Variants in CSNK2B observed in about 807,000 individuals in gnomAD.
The protein encoded by CSNK2B is casein kinase 2 beta, also known as casein kinase II subunit beta.
CSNK2B carries 2 observed loss-of-function variants against 28.8 expected under a neutral mutation model. The ratio of observed to expected loss-of-function variants is 0.07; its 90% CI spans 0.03 to 0.22. The LOEUF is 0.22. Among genes scored for constraint, CSNK2B ranks in the 10% least tolerant of loss-of-function variants. CSNK2B has a pLI of 1.00. For synonymous variants in CSNK2B, 89 were observed against 96.1 expected (o/e 0.93, Z 0.43); for missense variants, 107 against 277.9 (o/e 0.39, Z 4.37).
chr6:31,668,671 C>T lies in CSNK2B; in HGVS notation c.291+17C>T. ...GCCCAGATGGTGAGGCCTCTCTGCT[C>T]CTACCTGCCTCCTTCTGAGCAGTAA... On this transcript the variant is annotated intron_variant, in intron 4 of 6. Transcript: ENST00000375882. 2 of 1,601,038 alleles carry T rather than the reference C, an allele frequency of 1.2e-6. No homozygotes were observed. Among genetic ancestry groups the T allele is most frequent in the African/African-American group, 1.3e-5 (1 of 74,784 alleles).
At chr6:31,668,207 G>T in intron 3 of CSNK2B, 1 of 612,822 alleles carries the variant, frequency 1.6e-6, no homozygotes, top group African/African-American at 1.8e-5. Flanking sequence ...TTCCTCATGG[G>T]TCTGGTTTGT....
At chr6:31,667,567 G>A (rs1801858741) in intron 2 of CSNK2B, among the ~76,000 whole-genome samples, 1 of 152,214 alleles carries the variant, frequency 6.6e-6, no homozygotes, top group Non-Finnish European at 1.5e-5. Flanking sequence ...CCAGCTGAGA[G>A]GACAAAACTG....
intron 3 of CSNK2B, 126 bp from the exon 4 acceptor site, chr6:31,668,413 G>A (rs1801948706): frequency 1.4e-6 from 1 of 736,876 alleles, no homozygotes; most frequent in African/African-American, 1.8e-5. Flanking sequence ...ATGCCCAGAT[G>A]TTGGATGGGG....
chr6:31,668,120 C>G (rs1284417968), intron 3 of CSNK2B, 150 bp downstream of exon 3: 2 of 702,086 alleles, frequency 2.8e-6, no homozygotes, highest in East Asian at 2.7e-5. Flanking sequence ...CCACCTGACT[C>G]TTGTCTAGTT....
At position 31,669,644 on chromosome 6, in the gene CSNK2B, A is replaced by G; in HGVS notation, c.557+136A>G. ...CATCTCCCTGCTGAGTGACTGTGGG[A>G]AAGTTATTTGATTATCTGTGCTTGA... On this transcript the variant is annotated intron_variant, in intron 6 of 6. Coordinates refer to ENST00000375882, the MANE Select transcript of CSNK2B (RefSeq NM_001320.7). The surrounding 1 kb of genome is among the most constrained non-coding windows in gnomAD (Gnocchi z 4.8). 4.4e-6 allele frequency: 5 copies of G among 1,127,856 alleles called. No individual in the cohort carries two copies. The highest frequency in any genetic ancestry group is 6.3e-6 in the Non-Finnish European group (5 of 795,332). The allele number at this position is 1,127,856 out of a possible 1,614,324, so 69.9% of individuals were successfully genotyped here. A position where few individuals can be genotyped will look rare whatever the true frequency, so the allele number is the denominator to read the frequency against.
chr6:31,667,987 G>A lies in CSNK2B; in HGVS notation c.175+17G>A. 6.5e-7 allele frequency: 1 copy of A among 1,538,730 alleles called. No individual in the cohort carries two copies. Among genetic ancestry groups the A allele is most frequent in the Non-Finnish European group, 9.0e-7 (1 of 1,112,728 alleles). ...TGGAGCCTGGTGAGGCACCCTCAGG[G>A]TTGTTTTGTGTGTGTGCGTGCACTA... On this transcript the variant is annotated intron_variant, in intron 3 of 6. Transcript: ENST00000375882.
intron 1 of CSNK2B, 86 bp downstream of exon 1, chr6:31,666,294 A>C (rs1801687003): frequency 3.1e-6 from 2 of 639,348 alleles, no homozygotes; most frequent in African/African-American, 4.0e-5. Flanking sequence ...GGGGCGGGGG[A>C]GGAAGCGACC....
intron 2 of CSNK2B, 126 bp downstream of exon 2, chr6:31,667,029 C>T: frequency 1.2e-6 from 1 of 865,752 alleles, no homozygotes. Context: ...AGCAAAGAGT[C>T]CCCCCTATAA....
intron 2 of CSNK2B, chr6:31,667,330 C>G (rs995020718): frequency 9.6e-5 from 35 of 365,670 alleles, no homozygotes; most frequent in East Asian, 7.2e-4. Context: ...CAGGGTTTCA[C>G]TATGTTGGCC....
At position 31,669,010 on chromosome 6, in the gene CSNK2B, G is replaced by C; in HGVS notation, c.292-87G>C. 1 of 951,238 alleles carries C rather than the reference G, an allele frequency of 1.1e-6. No individual in the cohort carries two copies. Among genetic ancestry groups the C allele is most frequent in the South Asian group, 1.3e-5 (1 of 74,226 alleles). 58.9% of individuals were successfully genotyped at this position (951,238 alleles called of 1,614,324 possible). A position where few individuals can be genotyped will look rare whatever the true frequency, so the allele number is the denominator to read the frequency against. Reference sequence around the variant, plus strand: ...CTCTGGACAGAGGTGGGAGGAGTGGGGGACAGAGTGGTATGGGTTGGGCTG... The same window carrying C: ...CTCTGGACAGAGGTGGGAGGAGTGGCGGACAGAGTGGTATGGGTTGGGCTG... On this transcript the variant is annotated intron_variant, in intron 4 of 6. Transcript: ENST00000375882. The surrounding 1 kb of genome is among the most constrained non-coding windows in gnomAD (Gnocchi z 4.8).
chr6:31,666,185 C>T lies in CSNK2B; in HGVS notation c.-35C>T. ...GAAGTAGCAACTTCCCTACCCCACCCCAGTCCTGGTCCCCGTCCAGCCGGT... is the reference window on the plus strand; with the variant it reads ...GAAGTAGCAACTTCCCTACCCCACCTCAGTCCTGGTCCCCGTCCAGCCGGT... On this transcript the variant is annotated 5_prime_UTR_variant, in exon 1 of 7. Coordinates refer to ENST00000375882, the MANE Select transcript of CSNK2B (RefSeq NM_001320.7). 1.0e-6 allele frequency: 1 copy of T among 993,544 alleles called. No homozygotes were observed. Among genetic ancestry groups the T allele is most frequent in the East Asian group, 1.1e-4 (1 of 9,080 alleles). 61.5% of individuals were successfully genotyped at this position (993,544 alleles called of 1,614,324 possible). A position where few individuals can be genotyped will look rare whatever the true frequency, so the allele number is the denominator to read the frequency against.
chr6:31,669,620 A>G lies in CSNK2B; in HGVS notation c.557+112A>G. ...GGTCTGCTTCTCCCAGAATCAGGGCATCTCCCTGCTGAGTGACTGTGGGAA... is the reference window on the plus strand; with the variant it reads ...GGTCTGCTTCTCCCAGAATCAGGGCGTCTCCCTGCTGAGTGACTGTGGGAA... On this transcript the variant is annotated intron_variant, in intron 6 of 6. Transcript: ENST00000375882. This position sits in a 1 kb window ranked among gnomAD's most constrained non-coding sequence, Gnocchi z 4.8. The G allele has an allele frequency of 4.1e-6, 5 of 1,222,238 alleles. 1 individual carries two copies. Among genetic ancestry groups the G allele is most frequent in the Non-Finnish European group, 5.7e-6 (5 of 873,160 alleles). The allele number at this position is 1,222,238 out of a possible 1,614,324, so 75.7% of individuals were successfully genotyped here.
intron 1 of CSNK2B, 35 bp from the exon 2 acceptor site, chr6:31,666,786 G>C (rs777743980): frequency 6.4e-7 from 1 of 1,557,586 alleles, no homozygotes; most frequent in African/African-American, 1.4e-5. Flanking sequence ...CAGGGAAGGA[G>C]AACTTGAGCT....
Position 31,666,220 on chromosome 6 carries a change from G to A in CSNK2B, c.-12+12G>A. 1.0e-6 allele frequency: 1 copy of A among 989,996 alleles called. No individual in the cohort carries two copies. Among genetic ancestry groups the A allele is most frequent in the Non-Finnish European group, 1.2e-6 (1 of 831,190 alleles). 61.3% of individuals were successfully genotyped at this position (989,996 alleles called of 1,614,324 possible). A position where few individuals can be genotyped will look rare whatever the true frequency, so the allele number is the denominator to read the frequency against. On this transcript the variant is annotated intron_variant, in intron 1 of 6. Coordinates refer to ENST00000375882, the MANE Select transcript of CSNK2B (RefSeq NM_001320.7). ...TCCCCGTCCAGCCGGTGAGTCTGAAGTCGTCGCTGCTCCGAGTCCCTTGTC... is the reference window on the plus strand; with the variant it reads ...TCCCCGTCCAGCCGGTGAGTCTGAAATCGTCGCTGCTCCGAGTCCCTTGTC...
At chr6:31,666,279 A>C in intron 1 of CSNK2B, 71 bp downstream of exon 1, 1 of 768,218 alleles carries the variant, frequency 1.3e-6, no homozygotes, top group Non-Finnish European at 1.6e-6. Flanking sequence ...CCGGACTTTG[A>C]TGTGGGGGCG....
chr6:31,668,170 G>T (rs1034640764), intron 3 of CSNK2B, 200 bp downstream of exon 3: 9 of 629,118 alleles, frequency 1.4e-5, no homozygotes, highest in East Asian at 1.1e-4. Context: ...TTCTAAATCC[G>T]CAATTCAGAC....
chr6:31,667,680 CAA>C (rs1022927147), intron 2 of CSNK2B, among the ~76,000 whole-genome samples, 186 bp from the exon 3 acceptor site: 1 of 152,136 alleles, frequency 6.6e-6, no homozygotes, highest in Non-Finnish European at 1.5e-5. Flanking sequence ...AAAGAAAAGC[CAA>C]AGCTTTTATG....
intron 3 of CSNK2B, 89 bp downstream of exon 3, chr6:31,668,059 C>T: frequency 1.1e-6 from 1 of 879,822 alleles, no homozygotes; most frequent in Non-Finnish European, 1.9e-6. Context: ...TTGAAATTTC[C>T]TTTGGTTCTC....
At position 31,667,120 on chromosome 6, in the gene CSNK2B, C is replaced by G. The variant is rs1165876285; in HGVS notation, c.72+217C>G. ...CACCGTCCAGCAATATAACGTTGGG[C>G]TAGTCAATTTGTGTCTTTTTCTTTT... On this transcript the variant is annotated intron_variant, in intron 2 of 6. Coordinates refer to ENST00000375882, the MANE Select transcript of CSNK2B (RefSeq NM_001320.7). The G allele has an allele frequency of 4.3e-6, 3 of 696,534 alleles. No homozygotes were observed. The African/African-American group carries it at 5.3e-5, about 12-fold the overall frequency. The allele number at this position is 696,534 out of a possible 1,614,324, so 43.1% of individuals were successfully genotyped here.
Sources: allele counts gnomAD v4.1 joint callset (sites outside exome capture counted in the v4.1 genomes callset), GRCh38; gene constraint gnomAD v4.1.1; non-coding constraint Gnocchi (gnomAD v3.1); transcripts MANE v1.5; gene names NCBI Gene and HGNC (gene_info 2026-07-23, HGNC 2026-07-21).